Variants in MRAP observed in about 807,000 individuals in gnomAD.
MRAP encodes melanocortin 2 receptor accessory protein.
In MRAP, 8 loss-of-function variants were observed where a neutral mutation model predicts 8.7. That is an observed-to-expected ratio of 0.92 (90% CI 0.54 to 1.66). The LOEUF (loss-of-function observed/expected upper bound fraction) is 1.66, where lower values mean the gene tolerates loss of function less well. Among genes scored for constraint, MRAP ranks in the 40% most tolerant of loss-of-function variants. The pLI is 0.00. For synonymous variants in MRAP, 95 were observed against 95.5 expected (o/e 1.00, Z 0.03); for missense variants, 237 against 217.1 (o/e 1.09, Z -0.58).
Position 32,312,085 on chromosome 21 carries a change from T to C in MRAP, c.*89T>C. ...TTCCTCGTTCTTCTTAGAGGCCATT[T>C]GCATGTAGCAGAAAGGGCACCTAGG... On this transcript the variant is annotated 3_prime_UTR_variant, in exon 3 of 3. Coordinates refer to ENST00000303645, the MANE Select transcript of MRAP (RefSeq NM_001379228.1). 1 of 1,596,622 alleles carries C rather than the reference T, an allele frequency of 6.3e-7. No individual in the cohort carries two copies. The highest frequency in any genetic ancestry group is 8.5e-7 in the Non-Finnish European group (1 of 1,177,148).
intron 1 of MRAP, among the ~76,000 whole-genome samples, chr21:32,304,999 A>G (rs866866277): frequency 5.9e-5 from 7 of 119,296 alleles, no homozygotes; most frequent in Middle Eastern, 5.6e-3. Context: ...TTGAGACAGC[A>G]TCTTGCTCTG....
At chr21:32,307,967 TGAGTCAACCTC>T (rs2032460481) in intron 2 of MRAP, among the ~76,000 whole-genome samples, 2 of 152,236 alleles carry the variant, frequency 1.3e-5, no homozygotes, top group Admixed American at 1.3e-4. Flanking sequence ...ACTCTTTAAA[TGAGTCAACCTC>T]ATGGAATGAA....
intron 1 of MRAP, among the ~76,000 whole-genome samples, chr21:32,301,551 C>G (rs1347539907): frequency 6.6e-6 from 1 of 152,210 alleles, no homozygotes; most frequent in Non-Finnish European, 1.5e-5. Context: ...CATGTTTGAT[C>G]TTCATCTGTG....
downstream of MRAP, chr21:32,313,319 A>G (rs140699711): frequency 6.6e-6 from 1 of 152,256 alleles, no homozygotes; most frequent in South Asian, 2.1e-4. Context: ...AGGTGCCTAT[A>G]ACCAAAGGAA....
At chr21:32,299,582 C>T (rs995163338) in intron 1 of MRAP, among the ~76,000 whole-genome samples, 9 of 152,268 alleles carry the variant, frequency 5.9e-5, no homozygotes, top group East Asian at 1.9e-4. Flanking sequence ...CCCCCAATCT[C>T]GGCTTCCCAA....
chr21:32,301,868 G>A lies in MRAP; in HGVS notation c.106+2791G>A, dbSNP rs939690151. On this transcript the variant is annotated intron_variant, in intron 1 of 2. Coordinates refer to ENST00000303645, the MANE Select transcript of MRAP (RefSeq NM_001379228.1). ...AGCACAGGACGCAAGAGAACAAAAT[G>A]ACACTGTCAACCAATTTCTCTGCAC... Among the ~76,000 whole-genome samples the A allele has an allele frequency of 2.6e-5, 4 of 152,280 alleles. No individual in the cohort carries two copies. The East Asian group carries it at 7.7e-4, about 29-fold the overall frequency.
At chr21:32,310,321 T>C (rs1170516642) in intron 2 of MRAP, among the ~76,000 whole-genome samples, 3 of 145,492 alleles carry the variant, frequency 2.1e-5, no homozygotes, top group African/African-American at 5.1e-5. Flanking sequence ...CCTGAGGAGC[T>C]GACACCTTCC....
chr21:32,296,928 C>A (rs2032151061), upstream of MRAP, among the ~76,000 whole-genome samples: 2 of 152,106 alleles, frequency 1.3e-5, no homozygotes, highest in African/African-American at 4.8e-5. Context: ...CCACACTTAG[C>A]CTATACTAAA....
intron 2 of MRAP, among the ~76,000 whole-genome samples, chr21:32,307,339 C>G (rs1487873789): frequency 6.6e-6 from 1 of 152,142 alleles, no homozygotes; most frequent in Non-Finnish European, 1.5e-5. Context: ...CTTTGGGAGG[C>G]TGAGATGGGT....
chr21:32,304,965 GTT>G (rs537525538), intron 1 of MRAP, among the ~76,000 whole-genome samples: 270 of 78,056 alleles, frequency 3.5e-3, no homozygotes, highest in East Asian at 0.016. Context: ...TTTTTTTGTT[GTT>G]TTTTTTTTTT....
chr21:32,311,822 C>G lies in MRAP; in HGVS notation c.345C>G (p.Ser115Arg). The change falls in exon 3 of 3, where the codon AGC becomes AGG. Residue 115 changes from serine to arginine, a missense_variant. Physicochemically the swap from Ser to Arg is moderately radical, Grantham distance 110 (BLOSUM62 -1). Coordinates refer to ENST00000303645, the MANE Select transcript of MRAP (RefSeq NM_001379228.1). ...QAQASSVEPG[S>R]RTGPDQPLRQ... ...AGGCGAGCTCAGTGGAGCCAGGGAG[C>G]AGAACTGGCCCTGACCAGCCGCTAC... 1 of 1,613,992 alleles carries G rather than the reference C, an allele frequency of 6.2e-7. No individual in the cohort carries two copies.
At chr21:32,314,735 T>C, downstream of MRAP, 1 of 1,484,578 alleles carries the variant, frequency 6.7e-7, no homozygotes, top group Non-Finnish European at 9.3e-7. Context: ...GGCCCGAGTT[T>C]ATCATTTACT....
chr21:32,309,725 C>T (rs2032510187), intron 2 of MRAP, among the ~76,000 whole-genome samples: 1 of 149,752 alleles, frequency 6.7e-6, no homozygotes, highest in Admixed American at 6.7e-5. Flanking sequence ...GGTGGATCAC[C>T]TGGGGTCAGG....
intron 1 of MRAP, among the ~76,000 whole-genome samples, chr21:32,301,336 T>C (rs1308750503): frequency 6.6e-6 from 1 of 152,198 alleles, no homozygotes; most frequent in Non-Finnish European, 1.5e-5. Flanking sequence ...ATGCCCTTGG[T>C]GCTTTCTCAT....
In MRAP at chr21:32,311,843, G is replaced by T. The variant is rs150008653; in HGVS notation, c.366G>T (p.Pro122=). 9 of 1,613,994 alleles carry T rather than the reference G, an allele frequency of 5.6e-6. No individual in the cohort carries two copies. Among genetic ancestry groups the T allele is most frequent in the African/African-American group, 1.3e-5 (1 of 74,920 alleles). ...GGAGCAGAACTGGCCCTGACCAGCC[G>T]CTACGACAGGAGAGCTCCTCCACCT... ...EPGSRTGPDQ[P]LRQESSSTLP... Residue 122 remains proline (P), a synonymous_variant, in exon 3 of 3, where the codon CCG becomes CCT. Coordinates refer to ENST00000303645, the MANE Select transcript of MRAP (RefSeq NM_001379228.1).
chr21:32,298,445 G>A (rs1253285532), upstream of MRAP, among the ~76,000 whole-genome samples: 2 of 152,166 alleles, frequency 1.3e-5, no homozygotes, highest in African/African-American at 4.8e-5. Context: ...GGCATCACTC[G>A]ATTTCTGCCC....
chr21:32,300,169 T>C (rs1400166791), intron 1 of MRAP, among the ~76,000 whole-genome samples: 1 of 152,182 alleles, frequency 6.6e-6, no homozygotes, highest in African/African-American at 2.4e-5. Flanking sequence ...AGAGGATCAC[T>C]TGAGGCCAGG....
At chr21:32,310,838 G>C (rs1334052038) in intron 2 of MRAP, among the ~76,000 whole-genome samples, 1 of 151,834 alleles carries the variant, frequency 6.6e-6, no homozygotes, top group African/African-American at 2.4e-5. Context: ...GTAGAGACGG[G>C]GTTTCCCTAT....
chr21:32,299,195 C>G, intron 1 of MRAP, 118 bp downstream of exon 1: 1 of 777,336 alleles, frequency 1.3e-6, no homozygotes. Context: ...CATGGGAAAG[C>G]AGGAATGTGG....
Sources: allele counts gnomAD v4.1 joint callset (sites outside exome capture counted in the v4.1 genomes callset), GRCh38; gene constraint gnomAD v4.1.1; transcripts MANE v1.5; gene names NCBI Gene and HGNC (gene_info 2026-07-23, HGNC 2026-07-21).